Variants in TENT5A observed in about 807,000 individuals in gnomAD.
TENT5A encodes HBV X-transactivated gene 11 protein.
A neutral mutation model predicts 30.2 loss-of-function variants in TENT5A; 9 were observed. That is an observed-to-expected ratio of 0.30 (90% confidence interval 0.18 to 0.52). The LOEUF is 0.52. Ranked by LOEUF, TENT5A falls within the 20% of genes least tolerant of loss-of-function variation. The probability of loss-of-function intolerance (pLI) is 0.97; values close to 1 mark genes in which losing one functional copy is unlikely to be tolerated. For synonymous variants in TENT5A, 264 were observed against 234.2 expected (o/e 1.13, Z -1.16); for missense variants, 411 against 566.1 (o/e 0.73, Z 2.78).
chr6:81,751,073 C>T (rs1769021061), intron 2 of TENT5A, among the ~76,000 whole-genome samples: 1 of 150,786 alleles, frequency 6.6e-6, no homozygotes, highest in Admixed American at 6.6e-5. Context: ...CCACTATACC[C>T]TTAACATATG....
chr6:81,750,243 C>A lies in TENT5A; in HGVS notation c.781G>T (p.Gly261Trp). 2 of 1,614,102 alleles carry A rather than the reference C, an allele frequency of 1.2e-6. No homozygotes were observed. Among genetic ancestry groups the A allele is most frequent in the Non-Finnish European group, 1.7e-6 (2 of 1,180,006 alleles). Residue 261 changes from glycine (G) to tryptophan (W), a missense_variant, in exon 3 of 3, where the codon GGG becomes TGG. Transcript: ENST00000320172. The surrounding 1 kb of genome is among the most constrained non-coding windows in gnomAD (Gnocchi z 4.2). ...TGGAAATCGCCATAGACGCTCTCCCCGATTATTGTGGGGTGAAATGTCTCA... is the reference window on the plus strand; with the variant it reads ...TGGAAATCGCCATAGACGCTCTCCCAGATTATTGTGGGGTGAAATGTCTCA... ...MTETFHPTII[G>W]ESVYGDFQEA...
At position 81,748,468 on chromosome 6, in the gene TENT5A, C is replaced by T. The variant is rs1046337521; in HGVS notation, c.*1227G>A. ...ATGAAATATATTACTTGGTTCCCTC[C>T]TTCATTTAATTTTTTTAGATGTGGA... On this transcript the variant is annotated 3_prime_UTR_variant, in exon 3 of 3. Coordinates refer to ENST00000320172, the MANE Select transcript of TENT5A (RefSeq NM_017633.3). 1 of 981,630 alleles carries T rather than the reference C, an allele frequency of 1.0e-6. No individual in the cohort carries two copies. The highest frequency in any genetic ancestry group is 1.2e-6 in the Non-Finnish European group (1 of 827,244). The allele number at this position is 981,630 out of a possible 1,614,324, so 60.8% of individuals were successfully genotyped here.
chr6:81,752,306 C>A, intron 1 of TENT5A, 125 bp downstream of exon 1: 1 of 1,533,938 alleles, frequency 6.5e-7, no homozygotes, highest in South Asian at 1.2e-5. Context: ...CCCGGGCCTC[C>A]TCGGAGACTC....
Position 81,746,953 on chromosome 6 carries a change from G to C in TENT5A, c.*2742C>G. Reference sequence around the variant, plus strand: ...CTAGAAGTTGTCTTGAGTACAGCCTGTTCTATATGAATAGGTGCCAGGTGC... The same window carrying C: ...CTAGAAGTTGTCTTGAGTACAGCCTCTTCTATATGAATAGGTGCCAGGTGC... On this transcript the variant is annotated 3_prime_UTR_variant, in exon 3 of 3. Transcript: ENST00000320172. The C allele has an allele frequency of 1.0e-6, 1 of 994,804 alleles. No homozygotes were observed. The highest frequency in any genetic ancestry group is 1.2e-6 in the Non-Finnish European group (1 of 835,832). 61.6% of individuals were successfully genotyped at this position (994,804 alleles called of 1,614,324 possible).
At position 81,745,796 on chromosome 6, in the gene TENT5A, C is replaced by G; in HGVS notation, c.*3899G>C. 1.0e-6 allele frequency: 1 copy of G among 985,726 alleles called. No homozygotes were observed. The highest frequency in any genetic ancestry group is 1.2e-6 in the Non-Finnish European group (1 of 829,824). 61.1% of individuals were successfully genotyped at this position (985,726 alleles called of 1,614,324 possible). On this transcript the variant is annotated 3_prime_UTR_variant, in exon 3 of 3. Transcript: ENST00000320172. ...AATATTGGATGCTGTAAACAAAATT[C>G]ACAATCTGTTCCCTCTAGCACTGAT...
Position 81,749,136 on chromosome 6 carries a change from T to C in TENT5A, c.*559A>G, listed in dbSNP as rs1368586005. The C allele has an allele frequency of 6.1e-6, 6 of 985,792 alleles. No individual in the cohort carries two copies. In the East Asian group the frequency reaches 6.8e-4, roughly 112 times the overall value. The allele number at this position is 985,792 out of a possible 1,614,324, so 61.1% of individuals were successfully genotyped here. Reference sequence around the variant, plus strand: ...CTACTGTTCATTTGGAGCAAGCCGTTTGTTAGCAAAACAAGATCATTCCAC... The same window carrying C: ...CTACTGTTCATTTGGAGCAAGCCGTCTGTTAGCAAAACAAGATCATTCCAC... On this transcript the variant is annotated 3_prime_UTR_variant, in exon 3 of 3. Transcript: ENST00000320172.
chr6:81,747,409 G>C lies in TENT5A; in HGVS notation c.*2286C>G, dbSNP rs1331428771. On this transcript the variant is annotated 3_prime_UTR_variant, in exon 3 of 3. Transcript: ENST00000320172. ...AGATGGTAGTAGGAGGAGTTCCTTA[G>C]AAAACTGAGTGGCAGTGCAGCGGCT... 1.0e-6 allele frequency: 1 copy of C among 985,838 alleles called. No homozygotes were observed. Among genetic ancestry groups the C allele is most frequent in the Non-Finnish European group, 1.2e-6 (1 of 829,952 alleles). The allele number at this position is 985,838 out of a possible 1,614,324, so 61.1% of individuals were successfully genotyped here.
In TENT5A at chr6:81,750,522, C is replaced by A. The variant is rs1312298634; in HGVS notation, c.553-51G>T. The A allele has an allele frequency of 8.9e-7, 1 of 1,123,252 alleles. No individual in the cohort carries two copies. Among genetic ancestry groups the A allele is most frequent in the Non-Finnish European group, 1.2e-6 (1 of 801,308 alleles). The allele number at this position is 1,123,252 out of a possible 1,614,324, so 69.6% of individuals were successfully genotyped here. A position where few individuals can be genotyped will look rare whatever the true frequency, so the allele number is the denominator to read the frequency against. The stretch of plus-strand genomic sequence containing the variant: ...TGAGCAAACCTAGAAAATAATAAAT[C>A]AATAAATAAATACATCCTCTTCACA... On this transcript the variant is annotated intron_variant, in intron 2 of 2. Transcript: ENST00000320172. The surrounding 1 kb of genome is among the most constrained non-coding windows in gnomAD (Gnocchi z 4.2).
chr6:81,749,004 T>C lies in TENT5A; in HGVS notation c.*691A>G. 2.0e-6 allele frequency: 2 copies of C among 985,854 alleles called. No individual in the cohort carries two copies. Among genetic ancestry groups the C allele is most frequent in the African/African-American group, 1.7e-5 (1 of 57,358 alleles). 61.1% of individuals were successfully genotyped at this position (985,854 alleles called of 1,614,324 possible). A position where few individuals can be genotyped will look rare whatever the true frequency, so the allele number is the denominator to read the frequency against. On this transcript the variant is annotated 3_prime_UTR_variant, in exon 3 of 3. Coordinates refer to ENST00000320172, the MANE Select transcript of TENT5A (RefSeq NM_017633.3). Reference sequence around the variant, plus strand: ...CACACTTTCTTTGTTACAGCTGTTTTTGCTTGCATTTTTACATTTTAAAAA... The same window carrying C: ...CACACTTTCTTTGTTACAGCTGTTTCTGCTTGCATTTTTACATTTTAAAAA...
At position 81,746,463 on chromosome 6, in the gene TENT5A, T is replaced by C. The variant is rs1327288384; in HGVS notation, c.*3232A>G. The C allele has an allele frequency of 2.4e-5, 30 of 1,232,040 alleles. No individual in the cohort carries two copies. Among genetic ancestry groups the C allele is most frequent in the East Asian group, 9.5e-5 (3 of 31,706 alleles). 76.3% of individuals were successfully genotyped at this position (1,232,040 alleles called of 1,614,324 possible). ...CACATATTCTTCCATCCTTGCATTT[T>C]TGGAGCTACATTATTAGTCCATCCA... On this transcript the variant is annotated 3_prime_UTR_variant, in exon 3 of 3. Transcript: ENST00000320172.
Position 81,752,109 on chromosome 6 carries a change from A to G in TENT5A, c.33T>C (p.Ser11=). The part of the protein sequence containing the change: MAEGEGYFAM[S]EDELACSPYI... ...AGGGGCTGCAGGCCAGCTCGTCCTC[A>G]GACATGGCGAAGTACCCTTCACCCT... Residue 11 remains serine, a synonymous_variant, in exon 2 of 3, where the codon TCT becomes TCC. Coordinates refer to ENST00000320172, the MANE Select transcript of TENT5A (RefSeq NM_017633.3). 2.6e-6 allele frequency: 4 copies of G among 1,510,578 alleles called. No homozygotes were observed. The highest frequency in any genetic ancestry group is 3.6e-6 in the Non-Finnish European group (4 of 1,126,610). 93.6% of individuals were successfully genotyped at this position (1,510,578 alleles called of 1,614,324 possible). A position where few individuals can be genotyped will look rare whatever the true frequency, so the allele number is the denominator to read the frequency against.
intron 1 of TENT5A, 101 bp from the exon 2 acceptor site, chr6:81,752,279 C>T: frequency 6.7e-7 from 1 of 1,499,578 alleles, no homozygotes; most frequent in Non-Finnish European, 8.9e-7. Context: ...CGCCCCCTCC[C>T]CCGATAGTTC....
At position 81,749,530 on chromosome 6, in the gene TENT5A, T is replaced by C; in HGVS notation, c.*165A>G. The C allele has an allele frequency of 7.3e-7, 1 of 1,378,998 alleles. No homozygotes were observed. The allele number at this position is 1,378,998 out of a possible 1,614,324, so 85.4% of individuals were successfully genotyped here. On this transcript the variant is annotated 3_prime_UTR_variant, in exon 3 of 3. Coordinates refer to ENST00000320172, the MANE Select transcript of TENT5A (RefSeq NM_017633.3). The stretch of plus-strand genomic sequence containing the variant: ...TTTCGAGATCATGCTCCCACATCTA[T>C]TAAAAGATACATAAGCTTTGCCAAA...
Position 81,750,135 on chromosome 6 carries a change from A to T in TENT5A, c.889T>A (p.Cys297Ser). Reference sequence around the variant, plus strand: ...CTAAAGCCCCTCACCAAGAGGTTGCAGTACTTAAGCAGGCCTCCCCCTCGG... The same window carrying T: ...CTAAAGCCCCTCACCAAGAGGTTGCTGTACTTAAGCAGGCCTCCCCCTCGG... ...EIRGGGLLKY[C>S]NLLVRGFRPA... The change falls in exon 3 of 3, where the codon TGC becomes AGC. Residue 297 changes from cysteine to serine, a missense_variant. Transcript: ENST00000320172. The surrounding 1 kb of genome is among the most constrained non-coding windows in gnomAD (Gnocchi z 4.2). 1 of 1,613,852 alleles carries T rather than the reference A, an allele frequency of 6.2e-7. No individual in the cohort carries two copies. The highest frequency in any genetic ancestry group is 1.1e-5 in the South Asian group (1 of 91,052).
rs1768938800 is a variant in TENT5A at position 81,748,838 on chromosome 6, T to C, written c.*857A>G. 5.1e-6 allele frequency: 5 copies of C among 985,310 alleles called. No individual in the cohort carries two copies. The South Asian group carries it at 1.4e-4, about 28-fold the overall frequency. 61.0% of individuals were successfully genotyped at this position (985,310 alleles called of 1,614,324 possible). On this transcript the variant is annotated 3_prime_UTR_variant, in exon 3 of 3. Coordinates refer to ENST00000320172, the MANE Select transcript of TENT5A (RefSeq NM_017633.3). ...ATAAAATAATCATTAAACCATAAAA[T>C]AATTTTGCCACTTCAAATTTTCAGA... is the stretch of plus-strand genomic sequence containing the variant.
In TENT5A at chr6:81,748,442, T is replaced by G; in HGVS notation, c.*1253A>C. 1 of 982,648 alleles carries G rather than the reference T, an allele frequency of 1.0e-6. No individual in the cohort carries two copies. Among genetic ancestry groups the G allele is most frequent in the Non-Finnish European group, 1.2e-6 (1 of 827,636 alleles). 60.9% of individuals were successfully genotyped at this position (982,648 alleles called of 1,614,324 possible). A position where few individuals can be genotyped will look rare whatever the true frequency, so the allele number is the denominator to read the frequency against. ...AAAACAGTATAATTTCTGCTCTTCC[T>G]ATGAAATATATTACTTGGTTCCCTC... On this transcript the variant is annotated 3_prime_UTR_variant, in exon 3 of 3. Coordinates refer to ENST00000320172, the MANE Select transcript of TENT5A (RefSeq NM_017633.3).
rs892274784 is a variant in TENT5A, at chr6:81,747,881, T to G, written c.*1814A>C. On this transcript the variant is annotated 3_prime_UTR_variant, in exon 3 of 3. Transcript: ENST00000320172. ...TATTGAACTGAAATAGTAATGCCAG[T>G]TCATTTCACAAAGGTATAACTGGTA... The G allele has an allele frequency of 4.1e-6, 4 of 985,720 alleles. No homozygotes were observed. The highest frequency in any genetic ancestry group is 1.7e-5 in the African/African-American group (1 of 57,228). The allele number at this position is 985,720 out of a possible 1,614,324, so 61.1% of individuals were successfully genotyped here. A position where few individuals can be genotyped will look rare whatever the true frequency, so the allele number is the denominator to read the frequency against.
chr6:81,745,796 C>A lies in TENT5A; in HGVS notation c.*3899G>T. 1 of 985,726 alleles carries A rather than the reference C, an allele frequency of 1.0e-6. No individual in the cohort carries two copies. The highest frequency in any genetic ancestry group is 1.2e-6 in the Non-Finnish European group (1 of 829,824). 61.1% of individuals were successfully genotyped at this position (985,726 alleles called of 1,614,324 possible). A position where few individuals can be genotyped will look rare whatever the true frequency, so the allele number is the denominator to read the frequency against. On this transcript the variant is annotated 3_prime_UTR_variant, in exon 3 of 3. Coordinates refer to ENST00000320172, the MANE Select transcript of TENT5A (RefSeq NM_017633.3). ...AATATTGGATGCTGTAAACAAAATT[C>A]ACAATCTGTTCCCTCTAGCACTGAT... is the stretch of plus-strand genomic sequence containing the variant.
chr6:81,747,582 A>T lies in TENT5A; in HGVS notation c.*2113T>A, dbSNP rs545216254. 38 of 985,346 alleles carry T rather than the reference A, an allele frequency of 3.9e-5. No homozygotes were observed. In the African/African-American group the frequency reaches 6.3e-4, roughly 16 times the overall value. The allele number at this position is 985,346 out of a possible 1,614,324, so 61.0% of individuals were successfully genotyped here. On this transcript the variant is annotated 3_prime_UTR_variant, in exon 3 of 3. Coordinates refer to ENST00000320172, the MANE Select transcript of TENT5A (RefSeq NM_017633.3). ...CTAAGCATCTGAGGATCCCTAGATA[A>T]ACAAACAAACAAATTATACTGCCAA...
Sources: gnomAD v4.1 joint callset for allele counts (sites outside exome capture counted in the v4.1 genomes callset) on GRCh38, gnomAD v4.1.1 for gene constraint, Gnocchi (gnomAD v3.1) non-coding constraint, MANE v1.5 for transcripts, NCBI Gene and HGNC (gene_info 2026-07-23, HGNC 2026-07-21) for gene names.